TMC2: variants seen among roughly 807,000 people sequenced by gnomAD.
The protein encoded by TMC2 is transmembrane channel like 2.
A neutral mutation model predicts 105.9 loss-of-function variants in TMC2; 102 were observed. The ratio of observed to expected loss-of-function variants is 0.96; its 90% CI spans 0.82 to 1.14. The LOEUF is 1.14. TMC2 is among the 50% of genes most tolerant of loss of function. The pLI, the probability that TMC2 is intolerant of heterozygous loss-of-function variation, is 0.00. For missense variants in TMC2, 1,093 were observed against 1,134.3 expected, an observed-to-expected ratio of 0.96 and a Z score of 0.52; for synonymous variants, 402 against 422.8, an observed-to-expected ratio of 0.95 and a Z score of 0.60.
At chr20:2,613,079 G>C (rs1229890905) in intron 13 of TMC2, 115 bp from the exon 14 acceptor site, 1 of 1,405,940 alleles carries the variant, frequency 7.1e-7, no homozygotes. Flanking sequence ...GAGGGTCACA[G>C]AGACAAAGTC....
Position 2,635,981 on chromosome 20 carries a change from C to G in TMC2, c.2362C>G (p.Gln788Glu). 6.2e-7 allele frequency: 1 copy of G among 1,614,106 alleles called. No homozygotes were observed. The highest frequency in any genetic ancestry group is 8.5e-7 in the Non-Finnish European group (1 of 1,179,982). The change falls in exon 18 of 20, where the codon CAG (glutamine) becomes GAG (glutamate). Residue 788 changes from glutamine to glutamate, a missense_variant. By Grantham distance (29) the Gln-to-Glu change is conservative. Coordinates refer to ENST00000358864, the MANE Select transcript of TMC2 (RefSeq NM_080751.3). ...VSKSLSRANA[Q>E]LRKKIQVLRE... ...CAAAAGCCTTTCCCGAGCTAATGCC[C>G]AGCTGAGGAAGAAAATCCAAGTGGT...
intron 17 of TMC2, among the ~76,000 whole-genome samples, chr20:2,631,558 C>T (rs1469575669): frequency 6.6e-6 from 1 of 152,156 alleles, no homozygotes; most frequent in East Asian, 1.9e-4. Context: ...GATAGTCTTT[C>T]TCTTTCAATC....
chr20:2,576,564 C>T (rs73585317), intron 5 of TMC2, among the ~76,000 whole-genome samples: 16,198 of 152,202 alleles, frequency 0.11, 986 homozygotes, highest in African/African-American at 0.15. Context: ...TTTATCAGCA[C>T]CCTGACAGGG....
chr20:2,573,811 C>T (rs965784323), intron 5 of TMC2, among the ~76,000 whole-genome samples: 9 of 151,988 alleles, frequency 5.9e-5, no homozygotes, highest in Non-Finnish European at 1.0e-4. Context: ...CCGCCCGCCT[C>T]GGCCTCCCAA....
At position 2,594,891 on chromosome 20, in the gene TMC2, A is replaced by G. The variant is rs1461457591; in HGVS notation, c.1000A>G (p.Arg334Gly). The change falls in exon 9 of 20, where the codon AGG (arginine) becomes GGG (glycine). Residue 334 changes from arginine (R) to glycine (G), a missense_variant. By Grantham distance (125) the Arg-to-Gly change is moderately radical. Coordinates refer to ENST00000358864, the MANE Select transcript of TMC2 (RefSeq NM_080751.3). ...CAACCAGAGGACCATCGGGTGGCTG[A>G]GGTACCGGCTGCCTATGGCTTACTT... ...YNNQRTIGWL[R>G]YRLPMAYFMV... 1 of 1,613,958 alleles carries G rather than the reference A, an allele frequency of 6.2e-7. No homozygotes were observed. Among genetic ancestry groups the G allele is most frequent in the African/African-American group, 1.3e-5 (1 of 74,892 alleles).
intron 11 of TMC2, among the ~76,000 whole-genome samples, chr20:2,607,001 G>T (rs1291880794): frequency 8.1e-6 from 1 of 123,474 alleles, no homozygotes; most frequent in Non-Finnish European, 1.7e-5. Context: ...TCAGTTTTCT[G>T]TTTTTGAATA....
chr20:2,567,178 A>G (rs2086070145), intron 4 of TMC2, among the ~76,000 whole-genome samples: 1 of 152,026 alleles, frequency 6.6e-6, no homozygotes, highest in African/African-American at 2.4e-5. Flanking sequence ...GGGAGTCTAG[A>G]CTCTCACCAT....
At chr20:2,557,237 C>T (rs1293595993) in intron 2 of TMC2, among the ~76,000 whole-genome samples, 1 of 152,078 alleles carries the variant, frequency 6.6e-6, no homozygotes, top group East Asian at 1.9e-4. Flanking sequence ...TGAAATTGTC[C>T]CACAGTTTGG....
chr20:2,580,591 G>C (rs1358749030), intron 7 of TMC2, among the ~76,000 whole-genome samples: 1 of 151,704 alleles, frequency 6.6e-6, no homozygotes, highest in Admixed American at 6.6e-5. Context: ...TTTTAAGGAG[G>C]TTTTTTTTAG....
Position 2,592,294 on chromosome 20 carries a change from T to C in TMC2, c.835-16T>C, listed in dbSNP as rs1364739846. 1.9e-6 allele frequency: 3 copies of C among 1,562,606 alleles called. No homozygotes were observed. Among genetic ancestry groups the C allele is most frequent in the Non-Finnish European group, 2.6e-6 (3 of 1,133,594 alleles). ...TTTCCTCCACTCATACTTGTGTCATTGTGTTTCTGCACAAGGTACTGATGG... is the reference window on the plus strand; with the variant it reads ...TTTCCTCCACTCATACTTGTGTCATCGTGTTTCTGCACAAGGTACTGATGG... On this transcript the variant is annotated splice_polypyrimidine_tract_variant and intron_variant, in intron 7 of 19. Coordinates refer to ENST00000358864, the MANE Select transcript of TMC2 (RefSeq NM_080751.3). The surrounding 1 kb of genome is among the most constrained non-coding windows in gnomAD (Gnocchi z 4.9).
chr20:2,563,573 C>A lies in TMC2; in HGVS notation c.554+1563C>A, dbSNP rs904199934. Among the ~76,000 whole-genome samples, 6 of 152,090 alleles carry A rather than the reference C, an allele frequency of 3.9e-5. No individual in the cohort carries two copies. The East Asian group carries it at 9.6e-4, about 24-fold the overall frequency. ...ATAGCATAGTGACTATAATTAATAA[C>A]AATATATTGGATACCTGAAAATTGC... is the stretch of plus-strand genomic sequence containing the variant. On this transcript the variant is annotated intron_variant, in intron 4 of 19. Coordinates refer to ENST00000358864, the MANE Select transcript of TMC2 (RefSeq NM_080751.3).
chr20:2,603,280 G>C (rs1240802204), intron 11 of TMC2, among the ~76,000 whole-genome samples: 4 of 147,860 alleles, frequency 2.7e-5, no homozygotes, highest in Admixed American at 6.7e-5. Flanking sequence ...TTAATAATAA[G>C]AAAGAGTTTA....
intron 2 of TMC2, among the ~76,000 whole-genome samples, chr20:2,540,511 A>C (rs1013030653): frequency 4.0e-5 from 6 of 151,852 alleles, no homozygotes; most frequent in Non-Finnish European, 1.5e-5. Flanking sequence ...AAATACAAAA[A>C]TTAGCCAGGC....
chr20:2,566,420 A>G (rs1403171263), intron 4 of TMC2, among the ~76,000 whole-genome samples: 3 of 152,234 alleles, frequency 2.0e-5, no homozygotes, highest in Admixed American at 6.5e-5. Context: ...GACATCATCA[A>G]TAATGATACA....
chr20:2,536,771 AG>A, intron 1 of TMC2, 116 bp downstream of exon 1: 1 of 1,172,096 alleles, frequency 8.5e-7, no homozygotes, highest in Non-Finnish European at 1.2e-6. Flanking sequence ...GTTTGAGTCC[AG>A]GGCCTGTCCC....
intron 2 of TMC2, among the ~76,000 whole-genome samples, chr20:2,543,474 A>G (rs6114849): frequency 0.11 from 17,038 of 152,262 alleles, 986 homozygotes; most frequent in East Asian, 0.16. Flanking sequence ...GAATCACAAC[A>G]TAATAGTCCA....
intron 2 of TMC2, among the ~76,000 whole-genome samples, chr20:2,544,004 C>T (rs945294972): frequency 7.3e-5 from 11 of 150,670 alleles, no homozygotes; most frequent in Non-Finnish European, 1.2e-4. Context: ...TGGGTTCAAG[C>T]GATTCTCATG....
intron 14 of TMC2, among the ~76,000 whole-genome samples, chr20:2,614,951 G>A (rs1429219161): frequency 6.6e-6 from 1 of 152,074 alleles, no homozygotes; most frequent in Non-Finnish European, 1.5e-5. Context: ...TTAGAATCTT[G>A]GAGTGAGGAA....
At chr20:2,611,866 ATGGGTGGGTGGGTGGGTGGG>A (rs1231486508) in intron 12 of TMC2, among the ~76,000 whole-genome samples, 13 of 85,790 alleles carry the variant, frequency 1.5e-4, no homozygotes, top group South Asian at 4.0e-4. Flanking sequence ...GGATGGATGG[ATGGGTGGGTGGGTGGGTGGG>A]TGGATGGATG....
Sources: gnomAD v4.1 joint callset for allele counts (sites outside exome capture counted in the v4.1 genomes callset) on GRCh38, gnomAD v4.1.1 for gene constraint, Gnocchi (gnomAD v3.1) non-coding constraint, MANE v1.5 for transcripts, NCBI Gene and HGNC (gene_info 2026-07-23, HGNC 2026-07-21) for gene names.